CSMD3: variants seen among roughly 807,000 people sequenced by gnomAD.
The protein encoded by CSMD3 is CUB and Sushi multiple domains 3.
Under a neutral mutation model 435.2 loss-of-function variants are expected in CSMD3, and 177 were observed. The ratio of observed to expected loss-of-function variants is 0.41; its 90% CI spans 0.36 to 0.46. CSMD3 has a LOEUF of 0.46. Among genes scored for constraint, CSMD3 ranks in the 20% least tolerant of loss-of-function variants. The pLI is 0.34. For synonymous variants in CSMD3, 1,656 were observed against 1,520.5 expected, an observed-to-expected ratio of 1.09 and a Z score of -2.07; for missense variants, 4,265 against 4,504.6, an observed-to-expected ratio of 0.95 and a Z score of 1.52.
chr8:113,399,372 A>G (rs2133194805), intron 1 of CSMD3, among the ~76,000 whole-genome samples: 1 of 151,864 alleles, frequency 6.6e-6, no homozygotes, highest in East Asian at 1.9e-4. Context: ...CTCGTATGCA[A>G]ACTTCTTAAC....
intron 10 of CSMD3, among the ~76,000 whole-genome samples, chr8:112,870,018 G>A (rs2081087203): frequency 6.6e-6 from 1 of 152,100 alleles, no homozygotes; most frequent in Admixed American, 6.5e-5. Context: ...TGCACGTTCT[G>A]CATATGTATC....
chr8:112,921,370 C>T (rs1167595641), intron 10 of CSMD3, among the ~76,000 whole-genome samples: 4 of 151,788 alleles, frequency 2.6e-5, no homozygotes, highest in East Asian at 1.9e-4. Context: ...CAAAAAATGC[C>T]GACAATGTTT....
intron 19 of CSMD3, among the ~76,000 whole-genome samples, chr8:112,647,473 AT>A (rs531772587): frequency 2.0e-5 from 3 of 151,764 alleles, no homozygotes; most frequent in African/African-American, 7.3e-5. Flanking sequence ...CGCCCGGCTA[AT>A]TTTTTTGTAT....
chr8:112,895,809 A>C (rs2081934333), intron 10 of CSMD3, among the ~76,000 whole-genome samples: 1 of 151,486 alleles, frequency 6.6e-6, no homozygotes, highest in African/African-American at 2.4e-5. Flanking sequence ...GGTCAAGGTT[A>C]GATGGGTTTT....
chr8:112,966,489 A>C (rs764283723), intron 7 of CSMD3, among the ~76,000 whole-genome samples: 1 of 150,176 alleles, frequency 6.7e-6, no homozygotes, highest in Admixed American at 6.7e-5. Flanking sequence ...CATTTTTAAA[A>C]ATTTTTTTTT....
At chr8:112,299,435 A>G (rs1820693138) in intron 53 of CSMD3, among the ~76,000 whole-genome samples, 1 of 152,174 alleles carries the variant, frequency 6.6e-6, no homozygotes, top group African/African-American at 2.4e-5. Flanking sequence ...GCAACAAAGT[A>G]TACTGATGTT....
chr8:112,923,202 C>T (rs1353357639), intron 9 of CSMD3, among the ~76,000 whole-genome samples: 1 of 152,056 alleles, frequency 6.6e-6, no homozygotes, highest in Non-Finnish European at 1.5e-5. Flanking sequence ...GTTCTTGCCT[C>T]CCTGCAATCT....
chr8:112,307,087 A>G (rs1821494899), intron 50 of CSMD3, among the ~76,000 whole-genome samples: 1 of 151,344 alleles, frequency 6.6e-6, no homozygotes, highest in South Asian at 2.1e-4. Context: ...TTCAAAGTAT[A>G]TATTTGGTAG....
chr8:113,017,675 G>C (rs1442891805), intron 6 of CSMD3, among the ~76,000 whole-genome samples: 2 of 151,636 alleles, frequency 1.3e-5, no homozygotes, highest in Non-Finnish European at 2.9e-5. Flanking sequence ...CAAGTAAAAG[G>C]GTCAACCTAG....
chr8:112,403,198 A>C (rs1285288380), intron 35 of CSMD3, among the ~76,000 whole-genome samples: 1 of 152,210 alleles, frequency 6.6e-6, no homozygotes, highest in Non-Finnish European at 1.5e-5. Context: ...GAACATAAAG[A>C]GAAGCAGTAA....
chr8:112,254,358 T>A, intron 62 of CSMD3, 32 bp from the exon 63 acceptor site: 1 of 1,459,672 alleles, frequency 6.9e-7, no homozygotes, highest in Non-Finnish European at 9.6e-7. Context: ...TATTAGTCCT[T>A]TAAAATTTAC....
chr8:112,318,553 A>T (rs1351965338), intron 47 of CSMD3, among the ~76,000 whole-genome samples: 2 of 151,930 alleles, frequency 1.3e-5, no homozygotes, highest in Admixed American at 6.6e-5. Context: ...CTTTCTCTCC[A>T]CCTCCATTCC....
intron 69 of CSMD3, 42 bp downstream of exon 69, chr8:112,231,503 G>T (rs1171248006): frequency 1.7e-6 from 2 of 1,161,676 alleles, no homozygotes; most frequent in Non-Finnish European, 2.6e-6. Flanking sequence ...TGATGTCTGG[G>T]ATAATAACAG....
chr8:113,394,317 ATAT>A (rs751297914), intron 1 of CSMD3, among the ~76,000 whole-genome samples: 13 of 152,216 alleles, frequency 8.5e-5, no homozygotes, highest in South Asian at 2.1e-4. Context: ...GAGAAGGGAA[ATAT>A]TATATCGAAT....
At chr8:112,984,211 A>T (rs2085162520) in intron 6 of CSMD3, among the ~76,000 whole-genome samples, 1 of 151,594 alleles carries the variant, frequency 6.6e-6, no homozygotes, top group African/African-American at 2.4e-5. Flanking sequence ...ATTTGTCCAT[A>T]TTTAGAGATA....
At chr8:113,297,160 G>A (rs1308639044) in intron 2 of CSMD3, among the ~76,000 whole-genome samples, 2 of 151,994 alleles carry the variant, frequency 1.3e-5, no homozygotes, top group Non-Finnish European at 2.9e-5. Context: ...TTAAACTAAA[G>A]AAAAGAATTT....
At chr8:112,291,742 T>C in intron 55 of CSMD3, 47 bp from the exon 56 acceptor site, 2 of 1,172,414 alleles carry the variant, frequency 1.7e-6, no homozygotes, top group South Asian at 1.3e-5. Context: ...ATAATATACA[T>C]ATACCTATAT....
intron 69 of CSMD3, among the ~76,000 whole-genome samples, chr8:112,229,269 A>T (rs1812865404): frequency 1.3e-5 from 2 of 152,170 alleles, no homozygotes; most frequent in South Asian, 4.1e-4. Flanking sequence ...AAAAATCATC[A>T]TGAGGCTAGA....
At chr8:112,663,561 T>C (rs1314731121) in intron 17 of CSMD3, among the ~76,000 whole-genome samples, 2 of 151,534 alleles carry the variant, frequency 1.3e-5, no homozygotes, top group Non-Finnish European at 2.9e-5. Context: ...GGGTGCAGCA[T>C]ACCAACGTGG....
Sources: gnomAD v4.1 joint callset for allele counts (sites outside exome capture counted in the v4.1 genomes callset) on GRCh38, gnomAD v4.1.1 for gene constraint, MANE v1.5 for transcripts, NCBI Gene and HGNC (gene_info 2026-07-23, HGNC 2026-07-21) for gene names.